CDH12: variants seen among roughly 807,000 people sequenced by gnomAD.
CDH12 encodes the protein cadherin-12.
CDH12 carries 41 observed loss-of-function variants against 74.1 expected under a neutral mutation model. The ratio of observed to expected loss-of-function variants is 0.55; its 90% CI spans 0.43 to 0.72. The LOEUF is 0.72. CDH12 is among the 30% of genes least tolerant of loss of function. The pLI is 0.00. For synonymous variants in CDH12, 399 were observed against 355.0 expected, an observed-to-expected ratio of 1.12 and a Z score of -1.39; for missense variants, 945 against 977.2, an observed-to-expected ratio of 0.97 and a Z score of 0.44.
chr5:22,771,993 ATAAT>A (rs1462664343), intron 1 of CDH12, among the ~76,000 whole-genome samples: 1 of 152,084 alleles, frequency 6.6e-6, no homozygotes, highest in African/African-American at 2.4e-5. Flanking sequence ...TATAGAGGAC[ATAAT>A]TAATTAATCC....
intron 3 of CDH12, among the ~76,000 whole-genome samples, chr5:22,256,383 G>T (rs1264935071): frequency 6.6e-6 from 1 of 152,076 alleles, no homozygotes; most frequent in Non-Finnish European, 1.5e-5. Context: ...TCACGTCTGT[G>T]GTGACGCTGG....
At chr5:22,534,218 G>A (rs6863839) in intron 1 of CDH12, among the ~76,000 whole-genome samples, 26,172 of 150,832 alleles carry the variant, frequency 0.17, 2,821 homozygotes, top group East Asian at 0.37. Flanking sequence ...TTTTATTTCC[G>A]TAGGTTATTG....
chr5:22,045,821 T>G (rs936663834), intron 5 of CDH12, among the ~76,000 whole-genome samples: 1 of 152,118 alleles, frequency 6.6e-6, no homozygotes, highest in South Asian at 2.1e-4. Context: ...GAGGACAGGT[T>G]GTTTAACAGT....
At chr5:22,561,859 A>G (rs1739064423) in intron 1 of CDH12, among the ~76,000 whole-genome samples, 1 of 152,182 alleles carries the variant, frequency 6.6e-6, no homozygotes. Context: ...ATCCTGGTAT[A>G]TACTCTCATG....
At chr5:21,815,420 A>G (rs1455909571) in intron 9 of CDH12, among the ~76,000 whole-genome samples, 1 of 152,164 alleles carries the variant, frequency 6.6e-6, no homozygotes, top group African/African-American at 2.4e-5. Context: ...ACTATTATGG[A>G]AAAAATGTGC....
At position 22,516,546 on chromosome 5, in the gene CDH12, G is replaced by A. The variant is rs1736814296; in HGVS notation, c.-522-11182C>T. 2.0e-5 allele frequency among the ~76,000 whole-genome samples: 3 copies of A among 152,128 alleles called. No homozygotes were observed. The South Asian group carries it at 6.2e-4, about 31-fold the overall frequency. The stretch of plus-strand genomic sequence containing the variant: ...GCAGTGGGTCACACCTGTAATCCCA[G>A]CATTTTAGGAGGCTGAGGTGGGTGG... On this transcript the variant is annotated intron_variant, in intron 1 of 14. Transcript: ENST00000382254.
At chr5:21,848,758 A>T (rs774473154) in intron 7 of CDH12, among the ~76,000 whole-genome samples, 5 of 151,914 alleles carry the variant, frequency 3.3e-5, no homozygotes, top group Non-Finnish European at 7.4e-5. Flanking sequence ...CTTATGAGCC[A>T]CTTCCTCCAG....
intron 1 of CDH12, among the ~76,000 whole-genome samples, chr5:22,589,145 G>C (rs1740553917): frequency 6.6e-6 from 1 of 152,088 alleles, no homozygotes; most frequent in Non-Finnish European, 1.5e-5. Context: ...CATTGGATGT[G>C]ACATGAGCAG....
At chr5:22,851,548 T>G (rs1737557490) in intron 1 of CDH12, among the ~76,000 whole-genome samples, 1 of 152,202 alleles carries the variant, frequency 6.6e-6, no homozygotes. Context: ...TGAAAACCTC[T>G]TTTTACTTCA....
rs1757141202 is a variant in CDH12 at position 21,977,981 on chromosome 5, C to T, written c.232-2596G>A. 2.0e-5 allele frequency among the ~76,000 whole-genome samples: 3 copies of T among 151,748 alleles called. No homozygotes were observed. In the South Asian group the frequency reaches 6.3e-4, roughly 32 times the overall value. On this transcript the variant is annotated intron_variant, in intron 5 of 14. Coordinates refer to ENST00000382254, the MANE Select transcript of CDH12 (RefSeq NM_004061.5). ...GATTAATTAGGCAGATGGGTGGTAG[C>T]CTAAAGTATAGACATTTTTCCAATA...
rs536678444 is a variant in CDH12, at chr5:22,746,569, C to T, written c.-523+106489G>A. Among the ~76,000 whole-genome samples, 5 of 152,026 alleles carry T rather than the reference C, an allele frequency of 3.3e-5. No individual in the cohort carries two copies. In the South Asian group the frequency reaches 1.0e-3, roughly 32 times the overall value. On this transcript the variant is annotated intron_variant, in intron 1 of 14. Transcript: ENST00000382254. ...GAGTTAGACATTACAGGCATGCATG[C>T]AAATATATGTATTTCTGACAGTACG...
intron 1 of CDH12, among the ~76,000 whole-genome samples, chr5:22,604,816 T>A (rs1737017606): frequency 6.6e-6 from 1 of 152,060 alleles, no homozygotes; most frequent in African/African-American, 2.4e-5. Context: ...TCTCACTTGC[T>A]CCAAAGTAAG....
At chr5:21,825,037 C>A (rs1259205886) in intron 8 of CDH12, among the ~76,000 whole-genome samples, 1 of 151,734 alleles carries the variant, frequency 6.6e-6, no homozygotes, top group Non-Finnish European at 1.5e-5. Context: ...GCCCGTAATC[C>A]CAGTTACTTG....
At chr5:22,580,585 A>G (rs1740038411) in intron 1 of CDH12, 1 of 472,218 alleles carries the variant, frequency 2.1e-6, no homozygotes, top group Non-Finnish European at 4.3e-6. Flanking sequence ...CACTCCATAA[A>G]CTTTTGGATT....
intron 4 of CDH12, among the ~76,000 whole-genome samples, chr5:22,153,870 ATG>A (rs1554015710): frequency 0.076 from 6,286 of 83,244 alleles, 453 homozygotes; most frequent in African/African-American, 0.19. Flanking sequence ...ATATATATAT[ATG>A]TATATATATA....
chr5:22,790,619 C>T (rs1747860039), intron 1 of CDH12, among the ~76,000 whole-genome samples: 1 of 151,418 alleles, frequency 6.6e-6, no homozygotes, highest in African/African-American at 2.4e-5. Context: ...GAAAATATTA[C>T]AGATATATTA....
chr5:22,254,877 A>G (rs1753260112), intron 3 of CDH12, among the ~76,000 whole-genome samples: 1 of 151,844 alleles, frequency 6.6e-6, no homozygotes, highest in Non-Finnish European at 1.5e-5. Context: ...TTTATCATTT[A>G]TTTGTGTTAG....
intron 3 of CDH12, among the ~76,000 whole-genome samples, chr5:22,328,109 A>T (rs890486326): frequency 6.6e-6 from 1 of 152,194 alleles, no homozygotes; most frequent in Non-Finnish European, 1.5e-5. Flanking sequence ...TAGAGCTTCT[A>T]TCTATAAATC....
At chr5:21,826,857 T>G (rs762183508) in intron 8 of CDH12, among the ~76,000 whole-genome samples, 3 of 152,162 alleles carry the variant, frequency 2.0e-5, no homozygotes, top group Non-Finnish European at 2.9e-5. Context: ...TACCTGCTAT[T>G]ACTGTAACTT....
Sources: gnomAD v4.1 joint callset for allele counts (sites outside exome capture counted in the v4.1 genomes callset) on GRCh38, gnomAD v4.1.1 for gene constraint, MANE v1.5 for transcripts, NCBI Gene and HGNC (gene_info 2026-07-23, HGNC 2026-07-21) for gene names.